The following ZNF69 variants were observed in gnomAD, a reference collection of about 807,000 sequenced individuals.
ZNF69 encodes zinc finger protein 69, also known as ZNF3.
A neutral mutation model predicts 50.9 loss-of-function variants in ZNF69; 47 were observed. The observed-to-expected ratio is 0.92, with a 90% CI of 0.73 to 1.18. ZNF69 has a LOEUF of 1.18. Ranked by LOEUF, ZNF69 falls within the 50% of genes most tolerant of loss-of-function variation. The pLI, the probability that ZNF69 is intolerant of heterozygous loss-of-function variation, is 0.00. For missense variants in ZNF69, 717 were observed against 675.1 expected (o/e 1.06, Z -0.69); for synonymous variants, 216 against 223.1 (o/e 0.97, Z 0.29).
At chr19:11,974,095 TTCTTTCTTTCTTTCTTTC>T in the ZNF69 span, among the ~76,000 whole-genome samples, 2 of 92,282 alleles carry the variant, frequency 2.2e-5, no homozygotes, top group Non-Finnish European at 4.3e-5. Flanking sequence ...CTTTCTTTCT[TTCTTTCTTTCTTTCTTTC>T]TTTCTTTCTT....
chr19:11,954,478 A>G, the ZNF69 span, among the ~76,000 whole-genome samples: 6 of 152,278 alleles, frequency 3.9e-5, no homozygotes, highest in Non-Finnish European at 8.8e-5. Flanking sequence ...TCAGCCTCCC[A>G]AAGTGCTGGG....
chr19:11,911,855 A>G (rs1315874267), intron 4 of ZNF69, among the ~76,000 whole-genome samples: 2 of 152,180 alleles, frequency 1.3e-5, no homozygotes, highest in Admixed American at 1.3e-4. Context: ...CTGTAGAAAG[A>G]CCTTATAAAT....
chr19:11,956,410 T>A, the ZNF69 span: 1 of 393,220 alleles, frequency 2.5e-6, no homozygotes, highest in Non-Finnish European at 4.5e-6. Flanking sequence ...GGGTGATAGG[T>A]AAGTGCCTTA....
At chr19:11,903,107 A>G (rs1354504865) in intron 1 of ZNF69, among the ~76,000 whole-genome samples, 1 of 152,200 alleles carries the variant, frequency 6.6e-6, no homozygotes, top group African/African-American at 2.4e-5. Context: ...ACTACACTCC[A>G]GCCTGGGTAA....
chr19:11,910,548 C>T (rs1460918385), downstream of ZNF69, among the ~76,000 whole-genome samples: 2 of 152,142 alleles, frequency 1.3e-5, no homozygotes, highest in Admixed American at 6.6e-5. Context: ...TTTGACAAAC[C>T]TGATAAAAAC....
At chr19:11,920,182 G>T in the ZNF69 span, among the ~76,000 whole-genome samples, 1 of 150,610 alleles carries the variant, frequency 6.6e-6, no homozygotes, top group East Asian at 2.0e-4. Flanking sequence ...CGTGATCTCA[G>T]CTCACTGCAA....
chr19:11,902,385 G>T (rs2145232710), intron 1 of ZNF69, among the ~76,000 whole-genome samples: 1 of 152,178 alleles, frequency 6.6e-6, no homozygotes, highest in African/African-American at 2.4e-5. Context: ...TGGCTGCATT[G>T]CTCATTACTG....
At chr19:11,947,531 C>A in the ZNF69 span, 1 of 1,613,116 alleles carries the variant, frequency 6.2e-7, no homozygotes. Context: ...ATGGAGTGAC[C>A]AGAACATTGA....
At chr19:11,909,693 C>T (rs191408739), downstream of ZNF69, among the ~76,000 whole-genome samples, 95 of 152,286 alleles carry the variant, frequency 6.2e-4, 1 homozygote, top group Middle Eastern at 6.8e-3. Context: ...CTATTTATGA[C>T]AAACCTACAG....
At chr19:11,962,107 C>G in the ZNF69 span, among the ~76,000 whole-genome samples, 3 of 152,138 alleles carry the variant, frequency 2.0e-5, no homozygotes, top group Non-Finnish European at 2.9e-5. Flanking sequence ...AGAAACTGTG[C>G]TCGGCCAAAT....
the ZNF69 span, chr19:11,948,175 A>G: frequency 4.1e-3 from 5,561 of 1,356,166 alleles, 23 homozygotes; most frequent in Middle Eastern, 0.019. Flanking sequence ...GAAAGCCTAC[A>G]CTTTGATGGA....
At chr19:11,925,063 G>A in the ZNF69 span, 79 of 789,902 alleles carry the variant, frequency 1.0e-4, no homozygotes, top group Middle Eastern at 4.7e-4. Flanking sequence ...GTGCTGGGGC[G>A]TGGCACTGCC....
chr19:11,951,150 C>CA, the ZNF69 span, among the ~76,000 whole-genome samples: 14,246 of 64,680 alleles, frequency 0.22, 2,249 homozygotes, highest in African/African-American at 0.45. Context: ...ACTCCATCTC[C>CA]AAAAAAAAAA....
downstream of ZNF69, among the ~76,000 whole-genome samples, chr19:11,918,328 C>G (rs1221244778): frequency 6.6e-6 from 1 of 152,098 alleles, no homozygotes; most frequent in Non-Finnish European, 1.5e-5. Flanking sequence ...TTTCGTCGCC[C>G]ATTTACTCTT....
the ZNF69 span, among the ~76,000 whole-genome samples, chr19:11,920,409 G>A: frequency 2.0e-5 from 3 of 152,050 alleles, no homozygotes; most frequent in Non-Finnish European, 2.9e-5. Flanking sequence ...TACTATGCTC[G>A]CCCTGTTTTA....
At chr19:11,968,801 C>T in the ZNF69 span, among the ~76,000 whole-genome samples, 1 of 152,080 alleles carries the variant, frequency 6.6e-6, no homozygotes, top group Non-Finnish European at 1.5e-5. Flanking sequence ...AGGTGGATGG[C>T]TTGATCTCAG....
chr19:11,949,248 T>G, the ZNF69 span: 4 of 1,614,010 alleles, frequency 2.5e-6, no homozygotes. Context: ...TTCGATATCA[T>G]GAAAGGATTC....
chr19:11,904,734 A>G lies in ZNF69; in HGVS notation c.337A>G (p.Asn113Asp). The change falls in exon 4 of 4, where the codon AAC becomes GAC. Residue 113 changes from asparagine to aspartate, a missense_variant. Transcript: ENST00000429654. ...TFTQVPDDRLNFQEKKASPEI... is the reference protein window; with the variant it reads ...TFTQVPDDRLDFQEKKASPEI... ...TACCCAGGTTCCAGATGACAGGCTG[A>G]ACTTCCAGGAGAAGAAAGCTTCTCC... The G allele has an allele frequency of 6.2e-7, 1 of 1,613,984 alleles. No homozygotes were observed. Among genetic ancestry groups the G allele is most frequent in the East Asian group, 2.2e-5 (1 of 44,872 alleles).
At chr19:11,977,206 C>T in the ZNF69 span, 1 of 1,611,382 alleles carries the variant, frequency 6.2e-7, no homozygotes, top group South Asian at 1.1e-5. Flanking sequence ...ATTAGTGAAC[C>T]AGTGTTTCTA....
Sources: gnomAD v4.1 joint callset for allele counts (sites outside exome capture counted in the v4.1 genomes callset) on GRCh38, gnomAD v4.1.1 for gene constraint, MANE v1.5 for transcripts, NCBI Gene and HGNC (gene_info 2026-07-23, HGNC 2026-07-21) for gene names.